KMT2C: variants seen among roughly 807,000 people sequenced by gnomAD.
KMT2C encodes lysine methyltransferase 2C, also known as histone-lysine N-methyltransferase 2C.
KMT2C carries 88 observed loss-of-function variants against 507.9 expected under a neutral mutation model. The ratio of observed to expected loss-of-function variants is 0.17; its 90% CI spans 0.15 to 0.21. The LOEUF (loss-of-function observed/expected upper bound fraction) is 0.21. KMT2C is among the 10% of genes least tolerant of loss of function. The pLI, the probability that KMT2C is intolerant of heterozygous loss-of-function variation, is 1.00. For missense variants in KMT2C, 4,954 were observed against 5,957.8 expected, an observed-to-expected ratio of 0.83 and a Z score of 5.55; for synonymous variants, 2,049 against 2,080.8, an observed-to-expected ratio of 0.98 and a Z score of 0.42.
chr7:152,220,786 T>C (rs1312732465), intron 22 of KMT2C, 51 bp from the exon 23 acceptor site: 3 of 1,387,472 alleles, frequency 2.2e-6, no homozygotes. Context: ...ATTTCAAATT[T>C]GACTGATTAC....
intron 14 of KMT2C, among the ~76,000 whole-genome samples, chr7:152,243,957 G>C (rs1246073162): frequency 6.6e-6 from 1 of 152,232 alleles, no homozygotes; most frequent in African/African-American, 2.4e-5. Context: ...TATAAGACGT[G>C]ATGATACATA....
At chr7:152,365,488 A>G (rs1404633413) in intron 1 of KMT2C, among the ~76,000 whole-genome samples, 3 of 152,220 alleles carry the variant, frequency 2.0e-5, no homozygotes. Context: ...CCTGGGCGGC[A>G]GAGTGAGACC....
At chr7:152,300,137 T>C (rs190916315) in intron 6 of KMT2C, among the ~76,000 whole-genome samples, 285 of 152,344 alleles carry the variant, frequency 1.9e-3, no homozygotes, top group African/African-American at 6.6e-3. Context: ...ACTCTTACTA[T>C]AGTCCATTAG....
At chr7:152,331,571 T>G (rs1382867566) in intron 2 of KMT2C, among the ~76,000 whole-genome samples, 2 of 150,056 alleles carry the variant, frequency 1.3e-5, no homozygotes, top group African/African-American at 2.5e-5. Context: ...ATGGCACCAC[T>G]GGACTCCAGC....
chr7:152,235,458 G>A lies in KMT2C; in HGVS notation c.2769+359C>T, dbSNP rs1325497151. On this transcript the variant is annotated intron_variant, in intron 16 of 58. Coordinates refer to ENST00000262189, the MANE Select transcript of KMT2C (RefSeq NM_170606.3). ...AAGTTATTACATAAAATATTTGCTAGTTAGCAAATATATTTGCAATACACA... is the reference window on the plus strand; with the variant it reads ...AAGTTATTACATAAAATATTTGCTAATTAGCAAATATATTTGCAATACACA... 2.6e-5 allele frequency among the ~76,000 whole-genome samples: 4 copies of A among 151,982 alleles called. No homozygotes were observed. The East Asian group carries it at 7.7e-4, about 29-fold the overall frequency.
chr7:152,373,701 A>G (rs2097307730), intron 1 of KMT2C, among the ~76,000 whole-genome samples: 1 of 152,228 alleles, frequency 6.6e-6, no homozygotes, highest in Non-Finnish European at 1.5e-5. Flanking sequence ...TCAGATCAAC[A>G]CAGTAACATA....
At chr7:152,273,949 C>T (rs2096025764) in intron 6 of KMT2C, 82 bp from the exon 7 acceptor site, 1 of 1,418,162 alleles carries the variant, frequency 7.1e-7, no homozygotes, top group East Asian at 2.5e-5. Context: ...GTATAAAAAA[C>T]TCTCTGTATA....
intron 18 of KMT2C, among the ~76,000 whole-genome samples, chr7:152,226,574 A>G (rs190829094): frequency 1.3e-5 from 2 of 152,214 alleles, no homozygotes; most frequent in African/African-American, 4.8e-5. Context: ...AAACATGTAT[A>G]TTTATTATTT....
At chr7:152,159,365 G>C (rs2092306657) in intron 43 of KMT2C, among the ~76,000 whole-genome samples, 1 of 152,168 alleles carries the variant, frequency 6.6e-6, no homozygotes, top group Admixed American at 6.5e-5. Context: ...GACCTCCCTG[G>C]GGCTGGGGAA....
chr7:152,201,229 G>A (rs753991290), intron 26 of KMT2C, among the ~76,000 whole-genome samples: 6 of 150,876 alleles, frequency 4.0e-5, no homozygotes, highest in East Asian at 2.0e-4. Context: ...CATCCATATC[G>A]TCTCTAAAAG....
chr7:152,417,106 T>C (rs2097747049), intron 1 of KMT2C, among the ~76,000 whole-genome samples: 1 of 151,852 alleles, frequency 6.6e-6, no homozygotes, highest in Admixed American at 6.6e-5. Flanking sequence ...TTTATATTTA[T>C]TGCTTGCTAA....
At chr7:152,384,570 C>CATCACCACTAAAACCACA (rs1589626989) in intron 1 of KMT2C, among the ~76,000 whole-genome samples, 1 of 32,492 alleles carries the variant, frequency 3.1e-5, no homozygotes, top group Non-Finnish European at 9.2e-5. Context: ...CCACCACCAC[C>CATCACCACTAAAACCACA]ACCACCACCA....
chr7:152,157,663 AGTAGAT>A, intron 44 of KMT2C: 1 of 720,680 alleles, frequency 1.4e-6, no homozygotes, highest in Non-Finnish European at 1.8e-6. Context: ...AACTTGGAAG[AGTAGAT>A]GTAAACTAAA....
At position 152,177,951 on chromosome 7, in the gene KMT2C, G is replaced by A. The variant is rs776861678; in HGVS notation, c.7502C>T (p.Pro2501Leu). 6.3e-7 allele frequency: 1 copy of A among 1,595,302 alleles called. No individual in the cohort carries two copies. Among genetic ancestry groups the A allele is most frequent in the Non-Finnish European group, 8.5e-7 (1 of 1,176,926 alleles). ...TMPSQERFLV[P>L]PQQIQGSGVS... ...TCCAGATCCCTGTATTTGCTGAGGA[G>A]GCACAAGGAAGCGCTCTTGACTCGG... Residue 2501 changes from proline (P) to leucine (L), a missense_variant, in exon 38 of 59, where the codon CCT becomes CTT. Pro to Leu is a moderately conservative substitution (Grantham distance 98). This residue lies in a region of KMT2C where 1,689 missense variants were observed against 1,654.3 expected (regional missense o/e 1.02). Coordinates refer to ENST00000262189, the MANE Select transcript of KMT2C (RefSeq NM_170606.3).
intron 3 of KMT2C, among the ~76,000 whole-genome samples, chr7:152,326,795 C>T (rs915851139): frequency 1.4e-4 from 22 of 152,186 alleles, no homozygotes; most frequent in South Asian, 6.2e-4. Flanking sequence ...GCAGGAGAAT[C>T]GCGCGAACCC....
intron 2 of KMT2C, among the ~76,000 whole-genome samples, chr7:152,354,051 TAA>T (rs2097134174): frequency 6.6e-6 from 1 of 152,148 alleles, no homozygotes; most frequent in South Asian, 2.1e-4. Context: ...CTATGTTCCC[TAA>T]AAGAAGTGGA....
intron 23 of KMT2C, chr7:152,220,066 T>C (rs1325606165): frequency 6.5e-6 from 1 of 154,770 alleles, no homozygotes; most frequent in Non-Finnish European, 1.4e-5. Context: ...ATCAAGAAAA[T>C]GTTTATAAAC....
At chr7:152,239,840 A>G (rs2095351659) in intron 14 of KMT2C, among the ~76,000 whole-genome samples, 1 of 152,232 alleles carries the variant, frequency 6.6e-6, no homozygotes, top group Non-Finnish European at 1.5e-5. Context: ...AGTACTTACC[A>G]GGTTTCTAGA....
chr7:152,142,649 CTGTT>C (rs768852631), intron 55 of KMT2C, among the ~76,000 whole-genome samples: 13 of 152,160 alleles, frequency 8.5e-5, no homozygotes, highest in Non-Finnish European at 1.2e-4. Flanking sequence ...TATAGCAACA[CTGTT>C]TGTTATGAGA....
Sources: allele counts gnomAD v4.1 joint callset (sites outside exome capture counted in the v4.1 genomes callset), GRCh38; gene constraint gnomAD v4.1.1; regional missense constraint gnomAD v4.1.1; transcripts MANE v1.5; gene names NCBI Gene and HGNC (gene_info 2026-07-23, HGNC 2026-07-21).